Variants in HS3ST4 observed in about 807,000 individuals in gnomAD.
HS3ST4 encodes the protein heparan sulfate glucosamine 3-O-sulfotransferase 4.
In HS3ST4, 17 loss-of-function variants were observed where a neutral mutation model predicts 29.2. The ratio of observed to expected loss-of-function variants is 0.58; its 90% CI spans 0.40 to 0.87. The LOEUF (loss-of-function observed/expected upper bound fraction) is 0.87, where lower values mean the gene tolerates loss of function less well. Among genes scored for constraint, HS3ST4 ranks in the 40% least tolerant of loss-of-function variants. The probability of loss-of-function intolerance (pLI) is 0.00; values close to 1 mark genes in which losing one functional copy is unlikely to be tolerated. For synonymous variants in HS3ST4, 314 were observed against 285.7 expected (o/e 1.10, Z -1.00); for missense variants, 627 against 634.5 (o/e 0.99, Z 0.13).
chr16:26,119,212 C>G (rs1899239417), intron 1 of HS3ST4, among the ~76,000 whole-genome samples: 1 of 152,208 alleles, frequency 6.6e-6, no homozygotes, highest in African/African-American at 2.4e-5. Flanking sequence ...ACCTCCCTCT[C>G]AGCTAGCATG....
chr16:25,692,938 G>A lies in HS3ST4; in HGVS notation c.521G>A (p.Arg174Gln), dbSNP rs375478809. 2 of 1,608,100 alleles carry A rather than the reference G, an allele frequency of 1.2e-6. No homozygotes were observed. Among genetic ancestry groups the A allele is most frequent in the Non-Finnish European group, 1.7e-6 (2 of 1,177,984 alleles). Residue 174 changes from arginine to glutamine, a missense_variant, in exon 1 of 2, where the codon CGG (arginine) becomes CAG (glutamine). Coordinates refer to ENST00000331351, the MANE Select transcript of HS3ST4 (RefSeq NM_006040.3). ...ACCACCGACGAGGATCTCGCAGGCC[G>A]GAGAGCGGCCAACGGGAGCAGCGAG... ...SSTTDEDLAG[R>Q]RAANGSSERG...
chr16:26,045,802 A>G (rs899643045), intron 1 of HS3ST4, among the ~76,000 whole-genome samples: 3 of 152,166 alleles, frequency 2.0e-5, no homozygotes, highest in Non-Finnish European at 4.4e-5. Flanking sequence ...CACATGGATT[A>G]TATTTTTATG....
chr16:25,784,938 G>T (rs936594314), intron 1 of HS3ST4, among the ~76,000 whole-genome samples: 3 of 152,202 alleles, frequency 2.0e-5, no homozygotes, highest in African/African-American at 7.2e-5. Flanking sequence ...CAAATGACAG[G>T]CTAACTTTTG....
intron 1 of HS3ST4, among the ~76,000 whole-genome samples, chr16:25,695,083 G>C (rs1280243026): frequency 6.6e-6 from 1 of 152,212 alleles, no homozygotes; most frequent in East Asian, 1.9e-4. Flanking sequence ...TGTTTGACGT[G>C]GCTCCTGATT....
chr16:26,097,942 T>G (rs1390643959), intron 1 of HS3ST4, among the ~76,000 whole-genome samples: 8 of 152,152 alleles, frequency 5.3e-5, no homozygotes, highest in Non-Finnish European at 1.0e-4. Context: ...CAGACACTTC[T>G]CAAAAGAACA....
At chr16:26,095,915 C>A (rs4553635) in intron 1 of HS3ST4, among the ~76,000 whole-genome samples, 1 of 151,684 alleles carries the variant, frequency 6.6e-6, no homozygotes, top group South Asian at 2.1e-4. Context: ...ATAGATGCAA[C>A]AAAAAATGAT....
chr16:25,735,203 T>C (rs1966599178), intron 1 of HS3ST4, among the ~76,000 whole-genome samples: 1 of 152,182 alleles, frequency 6.6e-6, no homozygotes, highest in Non-Finnish European at 1.5e-5. Flanking sequence ...CACAGTGTCA[T>C]GTAAGTCAGG....
intron 1 of HS3ST4, among the ~76,000 whole-genome samples, chr16:26,006,608 G>C (rs1298569229): frequency 1.3e-5 from 2 of 152,282 alleles, no homozygotes; most frequent in East Asian, 3.9e-4. Flanking sequence ...CTGCTGGTTG[G>C]ATGGGCATGC....
chr16:25,713,740 A>G (rs1467339619), intron 1 of HS3ST4, among the ~76,000 whole-genome samples: 3 of 152,166 alleles, frequency 2.0e-5, no homozygotes, highest in African/African-American at 4.8e-5. Flanking sequence ...TTCTCAGGGT[A>G]TGCTTGAGTT....
chr16:26,125,377 C>G (rs1899327592), intron 1 of HS3ST4, among the ~76,000 whole-genome samples: 1 of 152,206 alleles, frequency 6.6e-6, no homozygotes, highest in Non-Finnish European at 1.5e-5. Flanking sequence ...ACCTAGATCT[C>G]TTGCTTCCGC....
At chr16:25,704,401 C>T (rs1966359642) in intron 1 of HS3ST4, among the ~76,000 whole-genome samples, 1 of 152,126 alleles carries the variant, frequency 6.6e-6, no homozygotes, top group African/African-American at 2.4e-5. Flanking sequence ...GAGATTGAGA[C>T]TTTGGAAGGG....
intron 1 of HS3ST4, among the ~76,000 whole-genome samples, chr16:25,938,132 C>CT (rs1455806115): frequency 6.6e-6 from 1 of 152,170 alleles, no homozygotes; most frequent in East Asian, 1.9e-4. Context: ...ACTGTATCCT[C>CT]TCCCCAAAGT....
chr16:25,819,172 C>G (rs1044759986), intron 1 of HS3ST4, among the ~76,000 whole-genome samples: 15 of 152,174 alleles, frequency 9.9e-5, no homozygotes, highest in African/African-American at 3.4e-4. Context: ...TGCTGGGGGC[C>G]TCTGAGTCTG....
intron 1 of HS3ST4, among the ~76,000 whole-genome samples, chr16:25,801,629 C>T (rs1476465889): frequency 6.6e-6 from 1 of 152,120 alleles, no homozygotes; most frequent in African/African-American, 2.4e-5. Flanking sequence ...TTATGTTTCA[C>T]TTTTATTTAG....
intron 1 of HS3ST4, among the ~76,000 whole-genome samples, chr16:25,969,264 C>T (rs1384320998): frequency 6.6e-6 from 1 of 152,240 alleles, no homozygotes; most frequent in Non-Finnish European, 1.5e-5. Flanking sequence ...CTTTTGCTCT[C>T]ATACTGTGGG....
intron 1 of HS3ST4, among the ~76,000 whole-genome samples, chr16:25,984,968 C>G (rs1969047872): frequency 6.6e-6 from 1 of 152,232 alleles, no homozygotes; most frequent in Admixed American, 6.5e-5. Context: ...GAGAGAAACT[C>G]TGAGCCTCAG....
chr16:25,853,603 A>T (rs1334169240), intron 1 of HS3ST4, among the ~76,000 whole-genome samples: 3 of 152,164 alleles, frequency 2.0e-5, no homozygotes, highest in African/African-American at 7.2e-5. Context: ...GAAAGTTTTT[A>T]TCATGAAAGG....
chr16:26,097,264 T>A (rs1378998969), intron 1 of HS3ST4, among the ~76,000 whole-genome samples: 2 of 152,044 alleles, frequency 1.3e-5, no homozygotes, highest in Non-Finnish European at 2.9e-5. Context: ...AAAAAGAGCC[T>A]GCATTGTGAA....
chr16:26,071,500 G>A (rs891751221), intron 1 of HS3ST4, among the ~76,000 whole-genome samples: 17 of 152,096 alleles, frequency 1.1e-4, no homozygotes, highest in African/African-American at 4.1e-4. Flanking sequence ...TGAGGCTTTG[G>A]TTATATTAAA....
Sources: allele counts gnomAD v4.1 joint callset (sites outside exome capture counted in the v4.1 genomes callset), GRCh38; gene constraint gnomAD v4.1.1; transcripts MANE v1.5; gene names NCBI Gene and HGNC (gene_info 2026-07-23, HGNC 2026-07-21).